The following HECW2 variants were observed in gnomAD, a reference collection of about 807,000 sequenced individuals.
The protein encoded by HECW2 is E3 ubiquitin-protein ligase HECW2.
In HECW2, 61 loss-of-function variants were observed where a neutral mutation model predicts 175.2. That is an observed-to-expected ratio of 0.35 (90% CI 0.28 to 0.43). The LOEUF (loss-of-function observed/expected upper bound fraction) is 0.43. Among genes scored for constraint, HECW2 ranks in the 20% least tolerant of loss-of-function variants. The pLI is 1.00. For missense variants in HECW2, 1,524 were observed against 2,000.5 expected (o/e 0.76, Z 4.54); for synonymous variants, 671 against 731.0 (o/e 0.92, Z 1.32).
intron 2 of HECW2, among the ~76,000 whole-genome samples, chr2:196,395,419 A>G (rs554945187): frequency 1.6e-4 from 24 of 152,218 alleles, no homozygotes; most frequent in Non-Finnish European, 2.4e-4. Flanking sequence ...CAGAATGGAA[A>G]AGCAATATAC....
intron 1 of HECW2, among the ~76,000 whole-genome samples, chr2:196,464,994 C>A (rs1201610346): frequency 6.6e-6 from 1 of 152,096 alleles, no homozygotes; most frequent in Non-Finnish European, 1.5e-5. Flanking sequence ...CGAAATCGCG[C>A]CACTGCACTC....
At chr2:196,464,271 A>G (rs1247314844) in intron 1 of HECW2, among the ~76,000 whole-genome samples, 1 of 152,118 alleles carries the variant, frequency 6.6e-6, no homozygotes, top group Non-Finnish European at 1.5e-5. Flanking sequence ...CAGAATTCCC[A>G]TCTGAAAAAC....
chr2:196,515,609 G>A (rs1688121039), intron 1 of HECW2, among the ~76,000 whole-genome samples: 1 of 152,142 alleles, frequency 6.6e-6, no homozygotes, highest in South Asian at 2.1e-4. Context: ...ATCAAACCCA[G>A]AAATCATTTA....
chr2:196,372,369 A>T (rs1476064150), intron 2 of HECW2, among the ~76,000 whole-genome samples: 3 of 152,240 alleles, frequency 2.0e-5, no homozygotes, highest in Non-Finnish European at 4.4e-5. Flanking sequence ...GAACAGTATT[A>T]AAGTTAAATG....
At chr2:196,255,249 C>T (rs1218365699) in intron 18 of HECW2, among the ~76,000 whole-genome samples, 1 of 150,478 alleles carries the variant, frequency 6.6e-6, no homozygotes, top group African/African-American at 2.5e-5. Flanking sequence ...GCCTCGGCAT[C>T]CCAAAGTGCT....
chr2:196,493,776 T>C (rs1353966889), intron 1 of HECW2, among the ~76,000 whole-genome samples: 2 of 152,222 alleles, frequency 1.3e-5, no homozygotes, highest in Admixed American at 6.5e-5. Context: ...GTTTAAAGAA[T>C]AGTCAACATT....
intron 14 of HECW2, among the ~76,000 whole-genome samples, chr2:196,283,658 G>C (rs1479042268): frequency 6.6e-6 from 1 of 152,172 alleles, no homozygotes; most frequent in Non-Finnish European, 1.5e-5. Context: ...CGGAATTACA[G>C]GCGTAAGCCA....
Position 196,444,260 on chromosome 2 carries a change from T to C in HECW2, c.-35-10802A>G, listed in dbSNP as rs1409245920. 9.1e-5 allele frequency among the ~76,000 whole-genome samples: 13 copies of C among 143,002 alleles called. No homozygotes were observed. The Middle Eastern group carries it at 0.017, about 190-fold the overall frequency. 93.8% of individuals were successfully genotyped at this position (143,002 alleles called of 152,430 possible). ...AAATATTTAAGAATTCCACATTACTTTGTGGTGGCTGAAGCGCATTAGGTG... is the reference window on the plus strand; with the variant it reads ...AAATATTTAAGAATTCCACATTACTCTGTGGTGGCTGAAGCGCATTAGGTG... On this transcript the variant is annotated intron_variant, in intron 1 of 28. Coordinates refer to ENST00000644978, the MANE Select transcript of HECW2 (RefSeq NM_001348768.2).
chr2:196,367,848 A>C (rs1575468230), intron 2 of HECW2, among the ~76,000 whole-genome samples: 2 of 136,898 alleles, frequency 1.5e-5, no homozygotes, highest in African/African-American at 6.2e-5. Flanking sequence ...GCCGAATAGT[A>C]CTCCATTGTG....
chr2:196,509,916 G>A (rs180914653), intron 1 of HECW2, among the ~76,000 whole-genome samples: 64 of 152,288 alleles, frequency 4.2e-4, no homozygotes, highest in Admixed American at 1.0e-3. Flanking sequence ...CAATACAATC[G>A]CTTGCTCTGA....
intron 22 of HECW2, among the ~76,000 whole-genome samples, chr2:196,227,382 G>A (rs1256398951): frequency 2.2e-4 from 33 of 152,206 alleles, no homozygotes; most frequent in Admixed American, 2.2e-3. Context: ...AGGACATTTG[G>A]AAAGAGTGCA....
rs113689150 is a variant in HECW2, at chr2:196,480,216, C to T, written c.-35-46758G>A. Among the ~76,000 whole-genome samples, 1,109 of 152,318 alleles carry T rather than the reference C, an allele frequency of 7.3e-3. 5 individuals are homozygous for T. Among genetic ancestry groups the T allele is most frequent in the South Asian group, 0.013 (65 of 4,828 alleles). The stretch of plus-strand genomic sequence containing the variant: ...TCACATCAGTTTGGGGGGTCCCTCT[C>T]GTGTAGCTTTGCCAACTTCTTTAAT... On this transcript the variant is annotated intron_variant, in intron 1 of 28. Coordinates refer to ENST00000644978, the MANE Select transcript of HECW2 (RefSeq NM_001348768.2).
At chr2:196,325,719 T>G (rs1334442158) in intron 5 of HECW2, among the ~76,000 whole-genome samples, 1 of 152,252 alleles carries the variant, frequency 6.6e-6, no homozygotes, top group Non-Finnish European at 1.5e-5. Flanking sequence ...CAAAATGTCA[T>G]ATATATTCCA....
chr2:196,527,756 G>T (rs780511336), intron 1 of HECW2, among the ~76,000 whole-genome samples: 19 of 152,202 alleles, frequency 1.2e-4, no homozygotes, highest in Non-Finnish European at 2.5e-4. Flanking sequence ...AGCACGCTTT[G>T]AACCATATTT....
In HECW2 at chr2:196,540,519, C is replaced by A. The variant is rs561907716; in HGVS notation, c.-36+52989G>T. ...AGTGGCAAGATCATAGCTCACAGTTCACTGTCATCTTGAACTTCTGGCTCA... is the reference window on the plus strand; with the variant it reads ...AGTGGCAAGATCATAGCTCACAGTTAACTGTCATCTTGAACTTCTGGCTCA... On this transcript the variant is annotated intron_variant, in intron 1 of 28. Coordinates refer to ENST00000644978, the MANE Select transcript of HECW2 (RefSeq NM_001348768.2). Among the ~76,000 whole-genome samples the A allele has an allele frequency of 2.6e-5, 4 of 152,250 alleles. No individual in the cohort carries two copies. In the East Asian group the frequency reaches 7.7e-4, roughly 29 times the overall value.
chr2:196,357,855 C>G (rs993162558), intron 2 of HECW2, among the ~76,000 whole-genome samples: 2 of 152,152 alleles, frequency 1.3e-5, no homozygotes, highest in Non-Finnish European at 2.9e-5. Context: ...CTGCCATGAT[C>G]GTAAGTTTCC....
chr2:196,591,951 T>C (rs1332847305), intron 1 of HECW2, among the ~76,000 whole-genome samples: 2 of 152,154 alleles, frequency 1.3e-5, no homozygotes, highest in Non-Finnish European at 2.9e-5. Context: ...AGCCATCTGT[T>C]GGGAAGAGAA....
intron 21 of HECW2, among the ~76,000 whole-genome samples, chr2:196,233,688 T>C (rs976928030): frequency 1.3e-5 from 2 of 152,202 alleles, no homozygotes; most frequent in African/African-American, 4.8e-5. Flanking sequence ...AAAGCCTAGA[T>C]ACAGAAGCAT....
intron 1 of HECW2, among the ~76,000 whole-genome samples, chr2:196,522,231 C>T (rs907625162): frequency 1.3e-5 from 2 of 152,024 alleles, no homozygotes; most frequent in Non-Finnish European, 2.9e-5. Context: ...CTCTGATGGC[C>T]AGTGATGATG....
Sources: allele counts gnomAD v4.1 joint callset (sites outside exome capture counted in the v4.1 genomes callset), GRCh38; gene constraint gnomAD v4.1.1; transcripts MANE v1.5; gene names NCBI Gene and HGNC (gene_info 2026-07-23, HGNC 2026-07-21).